Variants in PLCB4 observed in about 807,000 individuals in gnomAD.
PLCB4 encodes 1-phosphatidylinositol 4,5-bisphosphate phosphodiesterase beta-4.
In PLCB4, 77 loss-of-function variants were observed where a neutral mutation model predicts 178.8. That is an observed-to-expected ratio of 0.43 (90% CI 0.36 to 0.52). The LOEUF (loss-of-function observed/expected upper bound fraction) is 0.52. Among genes scored for constraint, PLCB4 ranks in the 20% least tolerant of loss-of-function variants. The pLI is 0.00. For missense variants in PLCB4, 1,024 were observed against 1,453.4 expected (o/e 0.70, Z 4.80); for synonymous variants, 496 against 490.8 (o/e 1.01, Z -0.14).
chr20:9,470,279 C>T (rs955898410), intron 36 of PLCB4, among the ~76,000 whole-genome samples: 3 of 151,626 alleles, frequency 2.0e-5, no homozygotes, highest in East Asian at 1.9e-4. Context: ...TGCAGTGAGC[C>T]GAGATCCTGC....
intron 25 of PLCB4, among the ~76,000 whole-genome samples, chr20:9,415,506 T>C (rs1338974200): frequency 2.0e-5 from 3 of 152,246 alleles, no homozygotes; most frequent in Non-Finnish European, 4.4e-5. Context: ...TTTCTCATTC[T>C]TGGTGCTCCT....
chr20:9,302,399 T>C lies in PLCB4; in HGVS notation c.-15-5401T>C, dbSNP rs571420983. 1.2e-4 allele frequency among the ~76,000 whole-genome samples: 18 copies of C among 152,220 alleles called. No homozygotes were observed. In the South Asian group the frequency reaches 1.2e-3, roughly 11 times the overall value. On this transcript the variant is annotated intron_variant, in intron 3 of 39. Transcript: ENST00000378473. ...AAACAGGATTGGCTGGGTCAACATTTTCTAGTCTGTAGGTCATCATTGTAC... is the reference window on the plus strand; with the variant it reads ...AAACAGGATTGGCTGGGTCAACATTCTCTAGTCTGTAGGTCATCATTGTAC...
In PLCB4 at chr20:9,069,207, G is replaced by C. The variant is rs2089436284; in HGVS notation, c.-135+1G>C. The C allele has an allele frequency of 6.5e-6, 1 of 152,926 alleles. No individual in the cohort carries two copies. The highest frequency in any genetic ancestry group is 1.5e-5 in the Non-Finnish European group (1 of 68,332). 9.5% of individuals were successfully genotyped at this position (152,926 alleles called of 1,614,324 possible). On this transcript the variant is annotated splice_donor_variant, in intron 1 of 39. Coordinates refer to ENST00000378473, the MANE Select transcript of PLCB4 (RefSeq NM_001377142.1). LOFTEE classifies it low-confidence loss of function (5UTR_SPLICE). The stretch of plus-strand genomic sequence containing the variant: ...GCAGCAGCTCCAGGCAAAGTGACAG[G>C]TAGGAAAAGGCATTTCGGGTCCCGC...
Position 9,380,112 on chromosome 20 carries a change from C to T in PLCB4, c.803C>T (p.Ala268Val). The T allele has an allele frequency of 6.3e-7, 1 of 1,584,134 alleles. No homozygotes were observed. The highest frequency in any genetic ancestry group is 8.6e-7 in the Non-Finnish European group (1 of 1,162,510). ...ILFPFYDAKR[A>V]MQIIEMYEPD... is the part of the protein sequence containing the mutation. The stretch of plus-strand genomic sequence containing the variant: ...TTTCCATTTTATGATGCCAAAAGGG[C>T]AATGCAGATCATTGAGATGTATGAA... Residue 268 changes from alanine to valine, a missense_variant, in exon 13 of 40, where the codon GCA becomes GTA. Ala to Val is a moderately conservative substitution (Grantham distance 64, BLOSUM62 0). Coordinates refer to ENST00000378473, the MANE Select transcript of PLCB4 (RefSeq NM_001377142.1).
At chr20:9,195,721 G>T (rs555427057) in intron 2 of PLCB4, among the ~76,000 whole-genome samples, 41 of 151,902 alleles carry the variant, frequency 2.7e-4, no homozygotes, top group Non-Finnish European at 5.0e-4. Flanking sequence ...CAACTTTCCC[G>T]GCTCTCCAAC....
At chr20:9,450,083 CA>C (rs1459118044) in intron 32 of PLCB4, among the ~76,000 whole-genome samples, 1 of 152,196 alleles carries the variant, frequency 6.6e-6, no homozygotes, top group Non-Finnish European at 1.5e-5. Flanking sequence ...AAGAAACGTA[CA>C]CAAATTCTTC....
intron 7 of PLCB4, among the ~76,000 whole-genome samples, chr20:9,346,096 A>G (rs113580847): frequency 2.8e-4 from 42 of 152,342 alleles, no homozygotes; most frequent in African/African-American, 9.6e-4. Flanking sequence ...CAGAGGCTTC[A>G]GCCTCGTCTG....
At chr20:9,419,960 C>T in intron 26 of PLCB4, 51 bp downstream of exon 26, 1 of 1,083,580 alleles carries the variant, frequency 9.2e-7, no homozygotes, top group Non-Finnish European at 1.4e-6. Context: ...ACAAGTGGTC[C>T]TTGAAAGAAA....
intron 2 of PLCB4, among the ~76,000 whole-genome samples, chr20:9,126,170 CTACTT>C (rs1215177403): frequency 2.2e-4 from 34 of 152,200 alleles, no homozygotes; most frequent in African/African-American, 7.7e-4. Context: ...ATGCTATACT[CTACTT>C]TTCTATAAAC....
chr20:9,230,148 C>A (rs2147345585), intron 3 of PLCB4, among the ~76,000 whole-genome samples: 1 of 152,270 alleles, frequency 6.6e-6, no homozygotes, highest in Middle Eastern at 3.4e-3. Context: ...TGTACACTCA[C>A]ATTCCTGATG....
At chr20:9,258,596 T>A (rs899664539) in intron 3 of PLCB4, among the ~76,000 whole-genome samples, 2 of 151,360 alleles carry the variant, frequency 1.3e-5, no homozygotes, top group African/African-American at 4.9e-5. Context: ...GTGCCTGTAG[T>A]CTCAGCTACT....
At chr20:9,209,479 GTTTAC>G (rs921530737) in intron 2 of PLCB4, among the ~76,000 whole-genome samples, 10 of 152,078 alleles carry the variant, frequency 6.6e-5, no homozygotes, top group African/African-American at 1.9e-4. Flanking sequence ...ACATGGCACA[GTTTAC>G]TTTAAGAATA....
At chr20:9,211,600 C>T (rs1003264352) in intron 2 of PLCB4, among the ~76,000 whole-genome samples, 2 of 152,108 alleles carry the variant, frequency 1.3e-5, no homozygotes, top group African/African-American at 2.4e-5. Flanking sequence ...TGAGTTTTAC[C>T]TGAACTTATG....
intron 2 of PLCB4, among the ~76,000 whole-genome samples, chr20:9,165,839 A>T (rs927443731): frequency 7.3e-6 from 1 of 137,628 alleles, no homozygotes; most frequent in Non-Finnish European, 1.5e-5. Flanking sequence ...GTGTGTTACC[A>T]TGTTAATTTG....
At chr20:9,322,244 C>T (rs904079062) in intron 4 of PLCB4, among the ~76,000 whole-genome samples, 3 of 150,992 alleles carry the variant, frequency 2.0e-5, no homozygotes, top group Middle Eastern at 3.2e-3. Flanking sequence ...TAGGCATGAG[C>T]CACTGTGCCT....
chr20:9,312,949 T>G lies in PLCB4; in HGVS notation c.84+5051T>G, dbSNP rs2094853614. Among the ~76,000 whole-genome samples, 4 of 152,302 alleles carry G rather than the reference T, an allele frequency of 2.6e-5. No individual in the cohort carries two copies. In the South Asian group the frequency reaches 8.3e-4, roughly 32 times the overall value. Reference sequence around the variant, plus strand: ...AGCAGAAAAATGCTATCTATTAAACTTCGAAGAATCTATGTCCCAAACAAC... The same window carrying G: ...AGCAGAAAAATGCTATCTATTAAACGTCGAAGAATCTATGTCCCAAACAAC... On this transcript the variant is annotated intron_variant, in intron 4 of 39. Coordinates refer to ENST00000378473, the MANE Select transcript of PLCB4 (RefSeq NM_001377142.1).
chr20:9,124,941 G>A (rs1282169589), intron 2 of PLCB4, among the ~76,000 whole-genome samples: 8 of 152,032 alleles, frequency 5.3e-5, no homozygotes. Flanking sequence ...TTACTTATAA[G>A]GAAATAAAAT....
intron 2 of PLCB4, among the ~76,000 whole-genome samples, chr20:9,214,953 CAT>C (rs1311555649): frequency 6.6e-6 from 1 of 152,128 alleles, no homozygotes; most frequent in Non-Finnish European, 1.5e-5. Flanking sequence ...GAAGGGAAAA[CAT>C]GTGTCCAGTC....
intron 9 of PLCB4, among the ~76,000 whole-genome samples, chr20:9,369,625 G>T (rs745671092): frequency 6.6e-6 from 1 of 152,160 alleles, no homozygotes; most frequent in Non-Finnish European, 1.5e-5. Context: ...TCTTAAAAAT[G>T]TACTTCTTGA....
Sources: gnomAD v4.1 joint callset for allele counts (sites outside exome capture counted in the v4.1 genomes callset) on GRCh38, gnomAD v4.1.1 for gene constraint, MANE v1.5 for transcripts, NCBI Gene and HGNC (gene_info 2026-07-23, HGNC 2026-07-21) for gene names.